The following VDAC1 variants were observed in gnomAD, a reference collection of about 807,000 sequenced individuals.
VDAC1 encodes non-selective voltage-gated ion channel VDAC1.
In VDAC1, 10 loss-of-function variants were observed where a neutral mutation model predicts 34.7. The observed-to-expected ratio is 0.29, with a 90% CI of 0.18 to 0.49. The LOEUF (loss-of-function observed/expected upper bound fraction) is 0.49, where lower values mean the gene tolerates loss of function less well. Among genes scored for constraint, VDAC1 ranks in the 20% least tolerant of loss-of-function variants. The probability of loss-of-function intolerance (pLI) is 0.99; values close to 1 mark genes in which losing one functional copy is unlikely to be tolerated. For synonymous variants in VDAC1, 130 were observed against 136.0 expected (o/e 0.96, Z 0.30); for missense variants, 230 against 347.9 (o/e 0.66, Z 2.69).
At chr5:134,072,937 G>A in the VDAC1 span, among the ~76,000 whole-genome samples, 1 of 152,186 alleles carries the variant, frequency 6.6e-6, no homozygotes, top group Non-Finnish European at 1.5e-5. Context: ...TAAACAGCTC[G>A]CTGCCAGCCT....
the VDAC1 span, among the ~76,000 whole-genome samples, chr5:134,080,552 C>T: frequency 6.6e-6 from 1 of 150,416 alleles, no homozygotes; most frequent in Non-Finnish European, 1.5e-5. Flanking sequence ...GGTTAAGTCA[C>T]CGAGGTACCA....
Position 133,980,915 on chromosome 5 carries a change from T to C in VDAC1, c.365A>G (p.His122Arg). 1 of 1,614,120 alleles carries C rather than the reference T, an allele frequency of 6.2e-7. No individual in the cohort carries two copies. Among genetic ancestry groups the C allele is most frequent in the Non-Finnish European group, 8.5e-7 (1 of 1,180,038 alleles). ...AKIKTGYKRE[H>R]INLGCDMDFD... ...ATCCATGTCGCAGCCCAGGTTAATG[T>C]GCTCCCGCTTGTACCCTGTCTTGAT... The change falls in exon 6 of 9, where the codon CAC becomes CGC. Residue 122 changes from histidine (H) to arginine (R), a missense_variant. Coordinates refer to ENST00000265333, the MANE Select transcript of VDAC1 (RefSeq NM_003374.3).
At chr5:134,097,595 C>T in the VDAC1 span, among the ~76,000 whole-genome samples, 8 of 152,206 alleles carry the variant, frequency 5.3e-5, no homozygotes, top group African/African-American at 1.9e-4. Context: ...CTCGGTTCAC[C>T]CTGTAGAGGT....
the VDAC1 span, among the ~76,000 whole-genome samples, chr5:134,046,867 G>A: frequency 1.3e-5 from 2 of 152,160 alleles, no homozygotes; most frequent in African/African-American, 4.8e-5. Context: ...TCCAGGCCTC[G>A]ATCTTCTCAT....
chr5:134,051,824 G>A, the VDAC1 span, among the ~76,000 whole-genome samples: 1 of 151,694 alleles, frequency 6.6e-6, no homozygotes, highest in Non-Finnish European at 1.5e-5. Flanking sequence ...TCAGCCTCCC[G>A]AGTATCTGGG....
intron 6 of VDAC1, among the ~76,000 whole-genome samples, chr5:133,979,692 T>A (rs1401375706): frequency 1.3e-5 from 2 of 152,178 alleles, no homozygotes; most frequent in Non-Finnish European, 2.9e-5. Flanking sequence ...CCTCCCAAAG[T>A]GCTGGGATTA....
At chr5:134,095,785 C>A in the VDAC1 span, among the ~76,000 whole-genome samples, 1 of 152,222 alleles carries the variant, frequency 6.6e-6, no homozygotes, top group Admixed American at 6.5e-5. Flanking sequence ...CTAAATCAAA[C>A]GTAAAGTGCA....
the VDAC1 span, among the ~76,000 whole-genome samples, chr5:134,087,668 A>G: frequency 5.3e-5 from 8 of 151,444 alleles, no homozygotes; most frequent in African/African-American, 1.9e-4. Context: ...CAGCCTGACC[A>G]ACATGGTGAA....
chr5:134,042,423 G>A, the VDAC1 span, among the ~76,000 whole-genome samples: 89 of 152,306 alleles, frequency 5.8e-4, no homozygotes, highest in African/African-American at 2.0e-3. Flanking sequence ...GACCTGCCCC[G>A]TGGTAACTTC....
intron 8 of VDAC1, among the ~76,000 whole-genome samples, chr5:133,973,239 G>C (rs138875004): frequency 6.6e-6 from 1 of 152,164 alleles, no homozygotes; most frequent in Non-Finnish European, 1.5e-5. Flanking sequence ...ACATGTTCAT[G>C]TTCATAGTGT....
chr5:134,084,918 T>A, the VDAC1 span, among the ~76,000 whole-genome samples: 1 of 152,188 alleles, frequency 6.6e-6, no homozygotes, highest in East Asian at 1.9e-4. Flanking sequence ...GCTGACCTAG[T>A]GTCACACAGC....
the VDAC1 span, among the ~76,000 whole-genome samples, chr5:134,090,099 C>T: frequency 6.6e-6 from 1 of 152,162 alleles, no homozygotes; most frequent in East Asian, 1.9e-4. Flanking sequence ...AAATTTCTGC[C>T]CCAGTTCCTC....
chr5:134,070,454 G>T, the VDAC1 span, among the ~76,000 whole-genome samples: 1 of 150,910 alleles, frequency 6.6e-6, no homozygotes, highest in Admixed American at 6.6e-5. Context: ...CTGAACTAAG[G>T]TTTTATCTAA....
the VDAC1 span, among the ~76,000 whole-genome samples, chr5:134,047,625 C>G: frequency 6.6e-6 from 1 of 152,268 alleles, no homozygotes; most frequent in Non-Finnish European, 1.5e-5. Flanking sequence ...AGTATTTTAT[C>G]AGCTCACAAT....
chr5:134,033,817 C>A, the VDAC1 span, among the ~76,000 whole-genome samples: 21 of 151,588 alleles, frequency 1.4e-4, no homozygotes, highest in Admixed American at 2.6e-4. Context: ...ACGGTGAAAC[C>A]CCGTCTCTAC....
chr5:134,086,632 C>G, the VDAC1 span, among the ~76,000 whole-genome samples: 1 of 152,226 alleles, frequency 6.6e-6, no homozygotes, highest in Admixed American at 6.5e-5. Flanking sequence ...TCCTTCTGAT[C>G]AATGCCTGGT....
chr5:134,066,731 C>T, the VDAC1 span, among the ~76,000 whole-genome samples: 1 of 152,072 alleles, frequency 6.6e-6, no homozygotes, highest in South Asian at 2.1e-4. Context: ...TGATGTAGCT[C>T]CTGTTATTAC....
At chr5:133,977,989 A>G (rs1752541354) in intron 6 of VDAC1, among the ~76,000 whole-genome samples, 1 of 152,118 alleles carries the variant, frequency 6.6e-6, no homozygotes, top group African/African-American at 2.4e-5. Context: ...CTTTAACATA[A>G]AATCAGTGTC....
At chr5:134,020,900 G>T in the VDAC1 span, among the ~76,000 whole-genome samples, 1 of 151,832 alleles carries the variant, frequency 6.6e-6, no homozygotes, top group African/African-American at 2.4e-5. Context: ...GCTCACTCTT[G>T]TAATCCCAGA....
Sources: allele counts gnomAD v4.1 joint callset (sites outside exome capture counted in the v4.1 genomes callset), GRCh38; gene constraint gnomAD v4.1.1; transcripts MANE v1.5; gene names NCBI Gene and HGNC (gene_info 2026-07-23, HGNC 2026-07-21).